Variants in PDE4D observed in about 807,000 individuals in gnomAD.
PDE4D encodes 3',5'-cyclic-AMP phosphodiesterase 4D.
Under a neutral mutation model 87.4 loss-of-function variants are expected in PDE4D, and 24 were observed. The observed-to-expected ratio is 0.27, with a 90% CI of 0.20 to 0.39. The LOEUF (loss-of-function observed/expected upper bound fraction) is 0.39, where lower values mean the gene tolerates loss of function less well. Ranked by LOEUF, PDE4D falls within the 10% of genes least tolerant of loss-of-function variation. The probability of loss-of-function intolerance (pLI) is 1.00; values close to 1 mark genes in which losing one functional copy is unlikely to be tolerated. For missense variants in PDE4D, 714 were observed against 1,041.0 expected (o/e 0.69, Z 4.32); for synonymous variants, 384 against 383.2 (o/e 1.00, Z -0.02).
chr5:59,586,357 A>G (rs1178036060), intron 1 of PDE4D: 2 of 1,612,952 alleles, frequency 1.2e-6, no homozygotes, highest in African/African-American at 2.7e-5. Context: ...CTAAAGGGAA[A>G]ATTATTCACG....
chr5:59,805,960 C>G (rs991747828), intron 1 of PDE4D, among the ~76,000 whole-genome samples: 1 of 152,210 alleles, frequency 6.6e-6, no homozygotes, highest in Non-Finnish European at 1.5e-5. Context: ...CAGCCATTCT[C>G]CAAATCTTGA....
chr5:59,137,525 C>CTTTTTTTTTTTTT (rs61134818), intron 5 of PDE4D, among the ~76,000 whole-genome samples: 3 of 139,600 alleles, frequency 2.1e-5, no homozygotes, highest in Non-Finnish European at 3.1e-5. Flanking sequence ...GGGAAAGTTT[C>CTTTTTTTTTTTTT]TTTTTTTTTT....
intron 1 of PDE4D, among the ~76,000 whole-genome samples, chr5:60,455,600 C>T (rs935504561): frequency 6.6e-6 from 1 of 152,182 alleles, no homozygotes; most frequent in Non-Finnish European, 1.5e-5. Flanking sequence ...TGCTAGAACA[C>T]ATCCACACAC....
chr5:60,151,393 C>T (rs1781483241), intron 2 of PDE4D, among the ~76,000 whole-genome samples: 1 of 152,170 alleles, frequency 6.6e-6, no homozygotes, highest in African/African-American at 2.4e-5. Flanking sequence ...CATCCATAAA[C>T]ACAAAACGTC....
intron 5 of PDE4D, among the ~76,000 whole-genome samples, chr5:59,081,278 G>GT (rs1766699149): frequency 6.6e-6 from 1 of 152,088 alleles, no homozygotes; most frequent in Admixed American, 6.6e-5. Flanking sequence ...ATTAAGAGCA[G>GT]TAACTAGAAT....
At chr5:60,171,553 T>C (rs1182829003) in intron 2 of PDE4D, among the ~76,000 whole-genome samples, 1 of 152,082 alleles carries the variant, frequency 6.6e-6, no homozygotes, top group African/African-American at 2.4e-5. Flanking sequence ...GCTCTTACTA[T>C]TCTGAAACTC....
intron 2 of PDE4D, among the ~76,000 whole-genome samples, chr5:60,027,729 T>C (rs543380892): frequency 5.3e-5 from 8 of 152,334 alleles, no homozygotes; most frequent in Admixed American, 3.9e-4. Flanking sequence ...GTTGATTAAA[T>C]AAATGAATCT....
intron 1 of PDE4D, among the ~76,000 whole-genome samples, chr5:60,193,348 G>A (rs951667648): frequency 2.0e-5 from 3 of 152,076 alleles, no homozygotes; most frequent in Admixed American, 6.6e-5. Flanking sequence ...ATTATTATAA[G>A]TTAGAAAATA....
At chr5:60,259,369 G>A (rs1749411164) in intron 1 of PDE4D, among the ~76,000 whole-genome samples, 1 of 151,908 alleles carries the variant, frequency 6.6e-6, no homozygotes, top group African/African-American at 2.4e-5. Context: ...CTCATATATT[G>A]GTAATCTGGA....
At chr5:60,271,398 T>C (rs1005544383) in intron 1 of PDE4D, among the ~76,000 whole-genome samples, 3 of 152,164 alleles carry the variant, frequency 2.0e-5, no homozygotes, top group Non-Finnish European at 2.9e-5. Flanking sequence ...CCCATAGAAA[T>C]GTAATTGATC....
chr5:59,042,333 C>A (rs929065417), intron 5 of PDE4D, among the ~76,000 whole-genome samples: 1 of 152,098 alleles, frequency 6.6e-6, no homozygotes, highest in Admixed American at 6.6e-5. Context: ...TTCATCCCGC[C>A]GAACAAACCT....
At chr5:58,981,246 C>T (rs1745068913) in intron 11 of PDE4D, among the ~76,000 whole-genome samples, 1 of 152,102 alleles carries the variant, frequency 6.6e-6, no homozygotes, top group African/African-American at 2.4e-5. Context: ...CACCCTGGTA[C>T]CCATAAGCAT....
intron 2 of PDE4D, among the ~76,000 whole-genome samples, chr5:60,158,639 T>C (rs892824520): frequency 6.6e-6 from 1 of 152,234 alleles, no homozygotes; most frequent in Non-Finnish European, 1.5e-5. Flanking sequence ...CTCGGCTCAC[T>C]GCAAGCTCCG....
At chr5:59,183,385 T>C (rs993816262) in intron 4 of PDE4D, among the ~76,000 whole-genome samples, 13 of 152,162 alleles carry the variant, frequency 8.5e-5, no homozygotes, top group African/African-American at 1.2e-4. Context: ...TCCATCCCTG[T>C]ATGTCAGCTG....
intron 1 of PDE4D, among the ~76,000 whole-genome samples, chr5:59,312,106 G>A (rs900254104): frequency 6.6e-6 from 1 of 152,076 alleles, no homozygotes; most frequent in East Asian, 1.9e-4. Flanking sequence ...TCCTCTCCAA[G>A]CTTGTAGGAG....
rs996862588 is a variant in PDE4D at position 60,502,794 on chromosome 5, G to A, written n.70+19257C>T. The stretch of plus-strand genomic sequence containing the variant: ...AATAAAAGTGTTTTAGGGATCTCTT[G>A]TAGCCTCTAGCACATGACAGGCAGA... On this transcript the variant is annotated intron_variant and non_coding_transcript_variant, in intron 1 of 2. Transcript: ENST00000506510. Among the ~76,000 whole-genome samples, 3 of 152,236 alleles carry A rather than the reference G, an allele frequency of 2.0e-5. No homozygotes were observed. In the South Asian group the frequency reaches 6.2e-4, roughly 32 times the overall value.
chr5:59,065,812 G>T (rs969666233), intron 5 of PDE4D, among the ~76,000 whole-genome samples: 1 of 152,078 alleles, frequency 6.6e-6, no homozygotes, highest in Non-Finnish European at 1.5e-5. Context: ...ACATAAGATT[G>T]TCCTTATGAT....
intron 1 of PDE4D, among the ~76,000 whole-genome samples, chr5:59,682,306 G>A (rs1749158034): frequency 6.6e-6 from 1 of 152,106 alleles, no homozygotes; most frequent in African/African-American, 2.4e-5. Context: ...AATCTGGTAG[G>A]CACCACTTGA....
chr5:59,427,338 CG>C (rs1795437401), intron 1 of PDE4D, among the ~76,000 whole-genome samples: 3 of 137,996 alleles, frequency 2.2e-5, no homozygotes, highest in African/African-American at 1.0e-4. Context: ...CACACACACA[CG>C]CCCCTATGCC....
Sources: allele counts gnomAD v4.1 joint callset (sites outside exome capture counted in the v4.1 genomes callset), GRCh38; gene constraint gnomAD v4.1.1; transcripts MANE v1.5; gene names NCBI Gene and HGNC (gene_info 2026-07-23, HGNC 2026-07-21).